The following HMCN1 variants were observed in gnomAD, a reference collection of about 807,000 sequenced individuals.
HMCN1 encodes hemicentin 1, also known as hemicentin-1.
A neutral mutation model predicts 625.9 loss-of-function variants in HMCN1; 321 were observed. The ratio of observed to expected loss-of-function variants is 0.51; its 90% confidence interval spans 0.47 to 0.56. HMCN1 has a LOEUF of 0.56. Among genes scored for constraint, HMCN1 ranks in the 20% least tolerant of loss-of-function variants. HMCN1 has a pLI of 0.00. For synonymous variants in HMCN1, 2,425 were observed against 2,417.6 expected (o/e 1.00, Z -0.09); for missense variants, 6,588 against 6,887.3 (o/e 0.96, Z 1.54).
At chr1:186,129,459 TAC>T (rs1166611635) in intron 83 of HMCN1, among the ~76,000 whole-genome samples, 1 of 151,124 alleles carries the variant, frequency 6.6e-6, no homozygotes, top group Non-Finnish European at 1.5e-5. Context: ...TTTAAATTAT[TAC>T]AAATTTGACT....
At chr1:186,017,472 ATG>A (rs1654439829) in intron 33 of HMCN1, among the ~76,000 whole-genome samples, 1 of 151,840 alleles carries the variant, frequency 6.6e-6, no homozygotes, top group South Asian at 2.1e-4. Context: ...TAACATGAGT[ATG>A]TGTTTACCAA....
chr1:185,925,021 GT>G lies in HMCN1; in HGVS notation c.1286-21del, dbSNP rs560011120. ...TGTGACCTTCTTGCTTAAGTTTTTT[GT>G]TTTTGTTTTTGTTTTTTTTCCTAGA... is the stretch of plus-strand genomic sequence containing the variant. On this transcript the variant is annotated intron_variant, in intron 8 of 106. Transcript: ENST00000271588. 526 of 1,571,368 alleles carry G rather than the reference GT, an allele frequency of 3.3e-4. 9 individuals are homozygous for G. The East Asian group carries it at 0.012, about 35-fold the overall frequency.
intron 2 of HMCN1, among the ~76,000 whole-genome samples, chr1:185,857,825 CA>C (rs368679012): frequency 0.013 from 1,947 of 151,942 alleles, 10 homozygotes; most frequent in Middle Eastern, 0.041. Flanking sequence ...CTAAGTACTT[CA>C]AAAAACAGAG....
intron 39 of HMCN1, 68 bp from the exon 40 acceptor site, chr1:186,040,945 A>G: frequency 6.4e-7 from 1 of 1,564,040 alleles, no homozygotes; most frequent in Non-Finnish European, 8.8e-7. Context: ...AAAAAATAAG[A>G]GAAAAAATCT....
chr1:186,064,271 T>C (rs1487844371), intron 48 of HMCN1, among the ~76,000 whole-genome samples: 2 of 152,040 alleles, frequency 1.3e-5, no homozygotes, highest in African/African-American at 2.4e-5. Flanking sequence ...TTTTAAGTAT[T>C]TGAATAATTT....
chr1:186,130,142 A>G (rs779668270), intron 84 of HMCN1, 42 bp downstream of exon 84: 1 of 1,611,414 alleles, frequency 6.2e-7, no homozygotes, highest in Admixed American at 1.7e-5. Context: ...ATGCATTCAT[A>G]ATGAATAGTT....
intron 6 of HMCN1, among the ~76,000 whole-genome samples, chr1:185,913,514 G>A (rs192811958): frequency 2.8e-4 from 42 of 152,172 alleles, no homozygotes; most frequent in Non-Finnish European, 5.0e-4. Flanking sequence ...CTTAGCCAGC[G>A]GTGTCTTGAG....
chr1:186,028,380 A>G (rs969515011), intron 36 of HMCN1, among the ~76,000 whole-genome samples: 15 of 152,202 alleles, frequency 9.9e-5, no homozygotes, highest in African/African-American at 3.4e-4. Flanking sequence ...ATGTTCTCCC[A>G]AATTTCAAGA....
intron 38 of HMCN1, among the ~76,000 whole-genome samples, chr1:186,039,389 G>A (rs1017388318): frequency 6.6e-6 from 1 of 151,558 alleles, no homozygotes; most frequent in Non-Finnish European, 1.5e-5. Context: ...CAGTGAAGGG[G>A]GTACACACTT....
intron 4 of HMCN1, among the ~76,000 whole-genome samples, chr1:185,878,043 T>A (rs1320417031): frequency 6.6e-6 from 1 of 152,180 alleles, no homozygotes; most frequent in African/African-American, 2.4e-5. Context: ...TTCATTTGGT[T>A]CTCAGCTTTA....
At chr1:186,115,735 A>G (rs1388527423) in intron 75 of HMCN1, among the ~76,000 whole-genome samples, 1 of 152,206 alleles carries the variant, frequency 6.6e-6, no homozygotes, top group Non-Finnish European at 1.5e-5. Context: ...ATATAAAAGA[A>G]AAACTATTCT....
intron 1 of HMCN1, among the ~76,000 whole-genome samples, chr1:185,788,612 AT>A (rs1214736820): frequency 6.6e-6 from 1 of 152,162 alleles, no homozygotes; most frequent in East Asian, 1.9e-4. Context: ...AGACACTGGC[AT>A]TTTCATGAGC....
chr1:185,863,052 C>T (rs367814479), intron 2 of HMCN1, among the ~76,000 whole-genome samples: 5 of 152,256 alleles, frequency 3.3e-5, no homozygotes, highest in East Asian at 1.9e-4. Context: ...ATGGTGTTCA[C>T]GGTATCTGTA....
chr1:186,039,093 T>A, intron 38 of HMCN1, 88 bp downstream of exon 38: 1 of 900,024 alleles, frequency 1.1e-6, no homozygotes, highest in Non-Finnish European at 1.9e-6. Context: ...TGTAAGTATT[T>A]AACAGAATGT....
At chr1:185,916,523 T>G (rs1235905200) in intron 6 of HMCN1, among the ~76,000 whole-genome samples, 1 of 152,188 alleles carries the variant, frequency 6.6e-6, no homozygotes, top group Non-Finnish European at 1.5e-5. Flanking sequence ...CACAGGTTAA[T>G]TAGTTGTTCT....
At position 185,973,995 on chromosome 1, in the gene HMCN1, G is replaced by A. The variant is rs545907669; in HGVS notation, c.2371+3502G>A. ...ATATATATATTTAATTTTCCCTAAG[G>A]GAACTAGAATAATTTTATGGAATAA... is the stretch of plus-strand genomic sequence containing the variant. On this transcript the variant is annotated intron_variant, in intron 15 of 106. Coordinates refer to ENST00000271588, the MANE Select transcript of HMCN1 (RefSeq NM_031935.3). Among the ~76,000 whole-genome samples the A allele has an allele frequency of 4.6e-5, 7 of 152,242 alleles. 1 individual carries two copies. The highest frequency in any genetic ancestry group is 1.7e-4 in the African/African-American group (7 of 41,560).
chr1:186,128,292 G>T lies in HMCN1; in HGVS notation c.12904+1G>T. On this transcript the variant is annotated splice_donor_variant, in intron 83 of 106. Transcript: ENST00000271588. LOFTEE classifies it high-confidence loss of function. ...ACCTTCAATAACAATATTATTCCAG[G>T]TTGGTCATTTAATTCTCAAGAAGTG... The T allele has an allele frequency of 1.2e-6, 2 of 1,611,644 alleles. No homozygotes were observed. The highest frequency in any genetic ancestry group is 1.3e-5 in the African/African-American group (1 of 74,932).
At chr1:185,980,320 G>A (rs1651526435) in intron 16 of HMCN1, among the ~76,000 whole-genome samples, 1 of 152,158 alleles carries the variant, frequency 6.6e-6, no homozygotes, top group Non-Finnish European at 1.5e-5. Flanking sequence ...CCAAGCTGGT[G>A]AAGTGATTTT....
intron 22 of HMCN1, 115 bp downstream of exon 22, chr1:185,990,558 T>C: frequency 1.2e-6 from 1 of 828,768 alleles, no homozygotes; most frequent in East Asian, 2.6e-5. Flanking sequence ...AAAATTGAGA[T>C]AATTCACATG....
Sources: allele counts gnomAD v4.1 joint callset (sites outside exome capture counted in the v4.1 genomes callset), GRCh38; gene constraint gnomAD v4.1.1; transcripts MANE v1.5; gene names NCBI Gene and HGNC (gene_info 2026-07-23, HGNC 2026-07-21).